TENM3: variants seen among roughly 807,000 people sequenced by gnomAD.
TENM3 encodes teneurin transmembrane protein 3, also known as teneurin-3.
TENM3 carries 63 observed loss-of-function variants against 255.1 expected under a neutral mutation model. The observed-to-expected ratio is 0.25, with a 90% CI of 0.20 to 0.30. The LOEUF (loss-of-function observed/expected upper bound fraction) is 0.30, where lower values mean the gene tolerates loss of function less well. Among genes scored for constraint, TENM3 ranks in the 10% least tolerant of loss-of-function variants. TENM3 has a pLI of 1.00. For missense variants in TENM3, 2,929 were observed against 3,461.1 expected (o/e 0.85, Z 3.86); for synonymous variants, 1,306 against 1,322.3 (o/e 0.99, Z 0.27).
chr4:181,669,489 G>A, the TENM3 span, among the ~76,000 whole-genome samples: 2 of 152,086 alleles, frequency 1.3e-5, no homozygotes, highest in African/African-American at 4.8e-5. Context: ...CTTATGTGGG[G>A]CATTCTTTGT....
At chr4:181,741,321 G>T in the TENM3 span, among the ~76,000 whole-genome samples, 3 of 152,066 alleles carry the variant, frequency 2.0e-5, no homozygotes, top group African/African-American at 7.2e-5. Flanking sequence ...GCTAAGTAAG[G>T]CCTGGTACTT....
the TENM3 span, among the ~76,000 whole-genome samples, chr4:181,961,393 A>G: frequency 6.6e-6 from 1 of 152,160 alleles, no homozygotes; most frequent in East Asian, 1.9e-4. Flanking sequence ...GCTACCAAAC[A>G]TGATAAAAAA....
the TENM3 span, among the ~76,000 whole-genome samples, chr4:181,701,241 A>G: frequency 6.6e-6 from 1 of 152,242 alleles, no homozygotes; most frequent in East Asian, 1.9e-4. Context: ...GTCACTTTTC[A>G]TTAATCACAC....
chr4:182,688,104 A>G, intron 11 of TENM3, 62 bp from the exon 12 acceptor site: 1 of 1,407,436 alleles, frequency 7.1e-7, no homozygotes, highest in Non-Finnish European at 9.6e-7. Flanking sequence ...GCTGCTTATT[A>G]ATTCCCCTTC....
At chr4:181,963,363 C>T in the TENM3 span, among the ~76,000 whole-genome samples, 2 of 152,170 alleles carry the variant, frequency 1.3e-5, no homozygotes, top group East Asian at 3.9e-4. Flanking sequence ...CTCATTCTTT[C>T]ACTCTCTTTT....
At chr4:181,676,607 T>C in the TENM3 span, among the ~76,000 whole-genome samples, 2 of 152,094 alleles carry the variant, frequency 1.3e-5, no homozygotes, top group African/African-American at 4.8e-5. Context: ...TGGATTAGAA[T>C]GGATCATATC....
chr4:182,020,193 C>T, the TENM3 span, among the ~76,000 whole-genome samples: 2 of 151,798 alleles, frequency 1.3e-5, no homozygotes, highest in Non-Finnish European at 2.9e-5. Context: ...GGTGAAACCC[C>T]ATTTCTACTA....
chr4:181,888,492 G>GTGTATATATATGTA, the TENM3 span, among the ~76,000 whole-genome samples: 12 of 15,802 alleles, frequency 7.6e-4, 1 homozygote, highest in African/African-American at 2.3e-3. Context: ...CAATAGAAAT[G>GTGTATATATATGTA]TGTATATATA....
At chr4:182,276,872 A>C (rs1760037144) in intron 1 of TENM3, among the ~76,000 whole-genome samples, 1 of 152,220 alleles carries the variant, frequency 6.6e-6, no homozygotes, top group Non-Finnish European at 1.5e-5. Flanking sequence ...AGTAAAATGA[A>C]ATGAACTCAG....
chr4:181,847,589 T>A, the TENM3 span, among the ~76,000 whole-genome samples: 1 of 152,056 alleles, frequency 6.6e-6, no homozygotes, highest in South Asian at 2.1e-4. Context: ...TATAACATAT[T>A]GTAATGTATG....
At chr4:181,641,548 GTGTGTGTATATATA>G in the TENM3 span, among the ~76,000 whole-genome samples, 25 of 14,426 alleles carry the variant, frequency 1.7e-3, 1 homozygote, top group African/African-American at 7.2e-3. Flanking sequence ...ATTCCATGGT[GTGTGTGTATATATA>G]TATATATATA....
chr4:182,648,611 T>C (rs756087060), intron 5 of TENM3, among the ~76,000 whole-genome samples: 4 of 152,102 alleles, frequency 2.6e-5, no homozygotes, highest in Non-Finnish European at 4.4e-5. Context: ...AAGTATAATA[T>C]ACATTTAGAA....
intron 4 of TENM3, among the ~76,000 whole-genome samples, chr4:182,614,503 T>TGGCC: frequency 1.3e-5 from 2 of 152,324 alleles, no homozygotes; most frequent in South Asian, 4.1e-4. Flanking sequence ...TATGTTTTAT[T>TGGCC]ACTTATTACT....
At chr4:181,974,575 CA>C in the TENM3 span, among the ~76,000 whole-genome samples, 29,800 of 151,900 alleles carry the variant, frequency 0.2, 3,278 homozygotes, top group Non-Finnish European at 0.26. Context: ...CTCAAACAAA[CA>C]AACAAAAAAA....
chr4:182,224,029 A>C (rs1399150569), intron 1 of TENM3, among the ~76,000 whole-genome samples: 2 of 152,202 alleles, frequency 1.3e-5, no homozygotes, highest in African/African-American at 4.8e-5. Flanking sequence ...TTTCTGAAAA[A>C]TGATTATGGT....
upstream of TENM3, among the ~76,000 whole-genome samples, chr4:182,239,859 T>A (rs555162914): frequency 6.6e-6 from 1 of 152,320 alleles, no homozygotes; most frequent in African/African-American, 2.4e-5. Context: ...AAAAATTGAT[T>A]AGTAGTTTGC....
chr4:182,774,816 T>C (rs904516455), intron 23 of TENM3, 102 bp from the exon 24 acceptor site: 1 of 759,384 alleles, frequency 1.3e-6, no homozygotes, highest in African/African-American at 1.8e-5. Context: ...TACTCCTTAT[T>C]CCTAGTCAAC....
chr4:181,893,101 A>G, the TENM3 span, among the ~76,000 whole-genome samples: 1 of 152,182 alleles, frequency 6.6e-6, no homozygotes, highest in Admixed American at 6.5e-5. Flanking sequence ...TGTCATTAAT[A>G]TAATTCCGTA....
At chr4:182,375,027 C>G (rs144716161) in intron 3 of TENM3, among the ~76,000 whole-genome samples, 1 of 152,202 alleles carries the variant, frequency 6.6e-6, no homozygotes, top group East Asian at 1.9e-4. Context: ...CACCAACAAT[C>G]TGCAATACCC....
Sources: gnomAD v4.1 joint callset for allele counts (sites outside exome capture counted in the v4.1 genomes callset) on GRCh38, gnomAD v4.1.1 for gene constraint, MANE v1.5 for transcripts, NCBI Gene and HGNC (gene_info 2026-07-23, HGNC 2026-07-21) for gene names.